Variants in FBXO34 observed in about 807,000 individuals in gnomAD.
FBXO34 encodes the protein F-box protein 34.
In FBXO34, 12 loss-of-function variants were observed where a neutral mutation model predicts 24.5. The ratio of observed to expected loss-of-function variants is 0.49; its 90% confidence interval spans 0.31 to 0.79. The LOEUF (loss-of-function observed/expected upper bound fraction) is 0.79, where lower values mean the gene tolerates loss of function less well. Among genes scored for constraint, FBXO34 ranks in the 30% least tolerant of loss-of-function variants. The probability of loss-of-function intolerance (pLI) is 0.04; values close to 1 mark genes in which losing one functional copy is unlikely to be tolerated. For synonymous variants in FBXO34, 320 were observed against 311.9 expected (o/e 1.03, Z -0.27); for missense variants, 823 against 857.7 (o/e 0.96, Z 0.51).
At chr14:55,350,217 G>GCAC (rs1884300638) in intron 1 of FBXO34, among the ~76,000 whole-genome samples, 164 bp from the exon 2 acceptor site, 1 of 150,764 alleles carries the variant, frequency 6.6e-6, no homozygotes, top group Admixed American at 6.6e-5. Context: ...TGTTATTCTT[G>GCAC]ATATGTGCAG....
chr14:55,358,080 A>G (rs779070044), downstream of FBXO34, among the ~76,000 whole-genome samples: 6 of 151,762 alleles, frequency 4.0e-5, no homozygotes, highest in Admixed American at 6.6e-5. Context: ...TTCCTCACCA[A>G]TCCTCCCCTA....
intron 1 of FBXO34, among the ~76,000 whole-genome samples, chr14:55,343,808 A>T (rs1884070265): frequency 6.6e-6 from 1 of 152,200 alleles, no homozygotes; most frequent in African/African-American, 2.4e-5. Context: ...TCGATTCTTC[A>T]TCAGGTTTAC....
intron 1 of FBXO34, among the ~76,000 whole-genome samples, chr14:55,304,347 CT>C (rs962737263): frequency 2.6e-5 from 4 of 151,304 alleles, no homozygotes; most frequent in African/African-American, 9.7e-5. Context: ...TTCTCTTTTA[CT>C]TTTTTTTTAA....
chr14:55,414,461 A>C, the FBXO34 span: 1 of 1,593,502 alleles, frequency 6.3e-7, no homozygotes, highest in Non-Finnish European at 8.5e-7. Context: ...GGCACCTATA[A>C]AGAAATCCAG....
At chr14:55,428,984 G>T in the FBXO34 span, 2 of 1,613,592 alleles carry the variant, frequency 1.2e-6, no homozygotes, top group Non-Finnish European at 1.7e-6. Context: ...ACTGGGGAGG[G>T]GCAAATATGT....
chr14:55,296,535 C>A (rs1816919011), intron 1 of FBXO34, among the ~76,000 whole-genome samples: 1 of 151,388 alleles, frequency 6.6e-6, no homozygotes, highest in African/African-American at 2.4e-5. Flanking sequence ...GCTGGAATTA[C>A]AGGCGCCTGC....
At chr14:55,311,834 TCTC>T (rs757578073) in intron 1 of FBXO34, among the ~76,000 whole-genome samples, 120 of 151,478 alleles carry the variant, frequency 7.9e-4, no homozygotes, top group Non-Finnish European at 1.5e-3. Context: ...TTCAAGAAAT[TCTC>T]CTGCCTTAGC....
the FBXO34 span, chr14:55,440,361 G>A: frequency 3.0e-5 from 49 of 1,612,176 alleles, no homozygotes; most frequent in Non-Finnish European, 4.2e-5. Context: ...GGCGGGACTT[G>A]GGTCCTGACT....
chr14:55,402,318 A>G, the FBXO34 span, among the ~76,000 whole-genome samples: 2 of 152,160 alleles, frequency 1.3e-5, no homozygotes, highest in African/African-American at 2.4e-5. Flanking sequence ...TCTCAGAAAC[A>G]CTACTAATGT....
Position 55,350,542 on chromosome 14 carries a change from CCT to C in FBXO34, c.158_159del (p.Leu53ArgfsTer2). 1.2e-6 allele frequency: 2 copies of C among 1,613,698 alleles called. No individual in the cohort carries two copies. Among genetic ancestry groups the C allele is most frequent in the East Asian group, 2.2e-5 (1 of 44,874 alleles). ...ATAACATCAAGTGTCTTTCCTTCAG[CCT>C]CTCTCGGTAAAGCATCATCTCGAAA... On this transcript the variant is annotated frameshift_variant, in exon 2 of 2. Transcript: ENST00000313833. LOFTEE classifies it low-confidence loss of function (END_TRUNC).
the FBXO34 span, among the ~76,000 whole-genome samples, chr14:55,416,140 G>A: frequency 6.6e-6 from 1 of 152,178 alleles, no homozygotes; most frequent in Non-Finnish European, 1.5e-5. Context: ...TGGAGCAATA[G>A]AAATGTTTTA....
rs368813932 is a variant in FBXO34 at position 55,351,323 on chromosome 14, T to C, written c.933T>C (p.Asn311=). The change falls in exon 2 of 2, where the codon AAT becomes AAC. Residue 311 remains asparagine, a synonymous_variant. Transcript: ENST00000313833. ...CAAGGAATAACAGCTTCCGTCGAAA[T>C]GTGGGCAGAGTATTGCTTGCAAATA... ...SLSRNNSFRR[N]VGRVLLANST... is the part of the protein sequence containing the mutation. 2 of 1,614,046 alleles carry C rather than the reference T, an allele frequency of 1.2e-6. No individual in the cohort carries two copies. Among genetic ancestry groups the C allele is most frequent in the African/African-American group, 1.3e-5 (1 of 74,894 alleles).
the FBXO34 span, among the ~76,000 whole-genome samples, chr14:55,402,962 TATATATAA>T: frequency 2.8e-3 from 166 of 59,954 alleles, 4 homozygotes; most frequent in Non-Finnish European, 3.8e-3. Flanking sequence ...TATATATATA[TATATATAA>T]ATAGCTGGGC....
intron 1 of FBXO34, among the ~76,000 whole-genome samples, chr14:55,340,625 T>C (rs1883960670): frequency 6.6e-6 from 1 of 152,140 alleles, no homozygotes. Context: ...CGTATAACTG[T>C]GTTAATGGGC....
At chr14:55,375,786 G>C in the FBXO34 span, among the ~76,000 whole-genome samples, 1 of 152,068 alleles carries the variant, frequency 6.6e-6, no homozygotes, top group African/African-American at 2.4e-5. Flanking sequence ...GCCTTGGCAA[G>C]GCCTTCAGAG....
chr14:55,321,789 C>G (rs1026803854), intron 1 of FBXO34, among the ~76,000 whole-genome samples: 1 of 152,196 alleles, frequency 6.6e-6, no homozygotes, highest in Non-Finnish European at 1.5e-5. Context: ...GAATCAATAC[C>G]TATTTGCCTC....
chr14:55,414,585 G>T, the FBXO34 span: 1 of 631,882 alleles, frequency 1.6e-6, no homozygotes. Context: ...CTGAGAAATG[G>T]CATTTATTCC....
At chr14:55,342,887 GAT>G (rs1884036889) in intron 1 of FBXO34, among the ~76,000 whole-genome samples, 1 of 152,190 alleles carries the variant, frequency 6.6e-6, no homozygotes, top group Admixed American at 6.5e-5. Flanking sequence ...GTAGGTTTTC[GAT>G]ATATCATCCT....
Position 55,298,660 on chromosome 14 carries a change from G to C in FBXO34, c.-11+27123G>C, listed in dbSNP as rs1006015830. 2.4e-5 allele frequency: 37 copies of C among 1,527,770 alleles called. 1 individual carries two copies. The East Asian group carries it at 4.2e-4, about 18-fold the overall frequency. The allele number at this position is 1,527,770 out of a possible 1,614,324, so 94.6% of individuals were successfully genotyped here. On this transcript the variant is annotated intron_variant, in intron 1 of 1. Transcript: ENST00000313833. ...CGGCGAGCGCTGTTCGGGGCTGGAGGGGGTAAGGCCGGCAAGGGCGGCCTG... is the reference window on the plus strand; with the variant it reads ...CGGCGAGCGCTGTTCGGGGCTGGAGCGGGTAAGGCCGGCAAGGGCGGCCTG...
Sources: allele counts gnomAD v4.1 joint callset (sites outside exome capture counted in the v4.1 genomes callset), GRCh38; gene constraint gnomAD v4.1.1; transcripts MANE v1.5; gene names NCBI Gene and HGNC (gene_info 2026-07-23, HGNC 2026-07-21).